BICRA: variants seen among roughly 807,000 people sequenced by gnomAD.
BICRA encodes the protein BRD4 interacting chromatin remodeling complex associated protein, also known as BRD4-interacting chromatin-remodeling complex-associated protein.
Under a neutral mutation model 96.9 loss-of-function variants are expected in BICRA, and 31 were observed. That is an observed-to-expected ratio of 0.32 (90% CI 0.24 to 0.43). The LOEUF (loss-of-function observed/expected upper bound fraction) is 0.43. Ranked by LOEUF, BICRA falls within the 20% of genes least tolerant of loss-of-function variation. BICRA has a pLI of 1.00. For synonymous variants in BICRA, 1,350 were observed against 1,071.8 expected, an observed-to-expected ratio of 1.26 and a Z score of -5.07; for missense variants, 2,283 against 2,190.3, an observed-to-expected ratio of 1.04 and a Z score of -0.84.
Position 47,701,901 on chromosome 19 carries a change from C to A in BICRA, c.4169C>A (p.Thr1390Asn). 6.9e-7 allele frequency: 1 copy of A among 1,445,432 alleles called. No individual in the cohort carries two copies. Among genetic ancestry groups the A allele is most frequent in the Non-Finnish European group, 9.0e-7 (1 of 1,107,528 alleles). 89.5% of individuals were successfully genotyped at this position (1,445,432 alleles called of 1,614,324 possible). The change falls in exon 15 of 15, where the codon ACC becomes AAC. Residue 1390 changes from threonine to asparagine, a missense_variant. Coordinates refer to ENST00000594866, the MANE Select transcript of BICRA (RefSeq NM_001394372.1). This position sits in a 1 kb window ranked among gnomAD's most constrained non-coding sequence, Gnocchi z 5.4. ...TGCCCGCGCCTGCCACTGCGCAAGACCTACCGCGAGAACGTGGGGGGCCCT... is the reference window on the plus strand; with the variant it reads ...TGCCCGCGCCTGCCACTGCGCAAGAACTACCGCGAGAACGTGGGGGGCCCT... Reference protein sequence around the residue: ...PHCPRLPLRKTYRENVGGPGA... With the variant: ...PHCPRLPLRKNYRENVGGPGA...
In BICRA at chr19:47,701,691, A is replaced by G; in HGVS notation, c.3959A>G (p.Lys1320Arg). ...LKIKQEAGLS[K>R]VVHNTALDPV... ...ATCAAGCAGGAAGCCGGGCTCAGCA[A>G]GGTCGTGCACAACACGGCCCTGGAC... Residue 1320 changes from lysine (K) to arginine (R), a missense_variant, in exon 15 of 15, where the codon AAG (lysine) becomes AGG (arginine). Transcript: ENST00000594866. The surrounding 1 kb of genome is among the most constrained non-coding windows in gnomAD (Gnocchi z 5.4). 1 of 1,603,592 alleles carries G rather than the reference A, an allele frequency of 6.2e-7. No homozygotes were observed. The highest frequency in any genetic ancestry group is 8.5e-7 in the Non-Finnish European group (1 of 1,176,140).
chr19:47,680,278 C>T lies in BICRA; in HGVS notation c.1108C>T (p.Pro370Ser). 6.4e-7 allele frequency: 1 copy of T among 1,558,980 alleles called. No homozygotes were observed. Residue 370 changes from proline (P) to serine (S), a missense_variant, in exon 6 of 15, where the codon CCG becomes TCG. Physicochemically the swap from Pro to Ser is moderately conservative, Grantham distance 74 (BLOSUM62 -1). Coordinates refer to ENST00000594866, the MANE Select transcript of BICRA (RefSeq NM_001394372.1). ...PPKLYQLTPK[P>S]FAPAGATLTI... Reference sequence around the variant, plus strand: ...CAAGCTCTACCAGCTGACGCCCAAGCCGTTTGCGCCCGCGGGCGCCACGCT... The same window carrying T: ...CAAGCTCTACCAGCTGACGCCCAAGTCGTTTGCGCCCGCGGGCGCCACGCT...
At chr19:47,657,988 C>T (rs1972646596) in intron 1 of BICRA, among the ~76,000 whole-genome samples, 1 of 151,948 alleles carries the variant, frequency 6.6e-6, no homozygotes, top group Admixed American at 6.6e-5. Context: ...TTGACCTTCC[C>T]CTCAGGAATG....
Position 47,699,143 on chromosome 19 carries a change from G to A in BICRA, c.3492+84G>A. 9.4e-7 allele frequency: 1 copy of A among 1,062,384 alleles called. No individual in the cohort carries two copies. Among genetic ancestry groups the A allele is most frequent in the South Asian group, 1.3e-5 (1 of 74,426 alleles). 65.8% of individuals were successfully genotyped at this position (1,062,384 alleles called of 1,614,324 possible). A position where few individuals can be genotyped will look rare whatever the true frequency, so the allele number is the denominator to read the frequency against. On this transcript the variant is annotated intron_variant, in intron 13 of 14. Transcript: ENST00000594866. This position sits in a 1 kb window ranked among gnomAD's most constrained non-coding sequence, Gnocchi z 5.0. ...TTCCCTCACCCGCTCTGGGCAAGGT[G>A]GAGCCTCCCGCCCCTCCTAGCCCCG...
intron 10 of BICRA, among the ~76,000 whole-genome samples, chr19:47,695,748 A>G (rs945783091): frequency 5.9e-5 from 9 of 152,142 alleles, no homozygotes; most frequent in Non-Finnish European, 1.3e-4. Context: ...GACTGGGGAA[A>G]GAGCAGGTGA....
At chr19:47,666,005 G>T (rs187143600) in intron 1 of BICRA, among the ~76,000 whole-genome samples, 166 of 152,302 alleles carry the variant, frequency 1.1e-3, no homozygotes, top group Admixed American at 1.8e-3. Flanking sequence ...ATCAACAGTG[G>T]CAATTAAAAT....
In BICRA at chr19:47,683,589, C is replaced by CTT. The variant is rs11448897; in HGVS notation, c.2283+1449_2283+1450dup. ...ATAACAGGTTAGGGAGGGCTACGTT[C>CTT]TTTTTTTTTTTTTGAGATGGAGTCT... On this transcript the variant is annotated intron_variant, in intron 7 of 14. Coordinates refer to ENST00000594866, the MANE Select transcript of BICRA (RefSeq NM_001394372.1). Among the ~76,000 whole-genome samples the CTT allele has an allele frequency of 2.6e-4, 37 of 144,632 alleles. 1 individual carries two copies. The highest frequency in any genetic ancestry group is 4.3e-4 in the South Asian group (2 of 4,606). 94.9% of individuals were successfully genotyped at this position (144,632 alleles called of 152,430 possible).
chr19:47,637,799 G>A (rs369861376), intron 1 of BICRA, among the ~76,000 whole-genome samples: 2 of 152,070 alleles, frequency 1.3e-5, no homozygotes, highest in Admixed American at 6.6e-5. Context: ...TACACTAGCC[G>A]ATCTTTTTGT....
intron 7 of BICRA, among the ~76,000 whole-genome samples, chr19:47,691,640 T>C (rs1172523579): frequency 6.6e-6 from 1 of 152,216 alleles, no homozygotes; most frequent in African/African-American, 2.4e-5. Flanking sequence ...CTTGGCTCAC[T>C]GTAGCCTCTG....
chr19:47,653,723 A>G (rs1972573906), intron 1 of BICRA, among the ~76,000 whole-genome samples: 1 of 152,140 alleles, frequency 6.6e-6, no homozygotes, highest in Non-Finnish European at 1.5e-5. Flanking sequence ...ATAGTCTGTG[A>G]TATGGATACA....
rs1204894941 is a variant in BICRA at position 47,685,782 on chromosome 19, T to TGCGC, written c.2283+3631_2283+3632insCGCG. ...GTGTGTGTGTGTGTGTGTGTGTGTG[T>TGCGC]GTGTGCGCGCGCGCGCGCATGCGTA... On this transcript the variant is annotated intron_variant, in intron 7 of 14. Coordinates refer to ENST00000594866, the MANE Select transcript of BICRA (RefSeq NM_001394372.1). 2.0e-3 allele frequency among the ~76,000 whole-genome samples: 245 copies of TGCGC among 124,854 alleles called. 4 individuals are homozygous for TGCGC. The highest frequency in any genetic ancestry group is 0.015 in the Admixed American group (179 of 12,070). The allele number at this position is 124,854 out of a possible 152,430, so 81.9% of individuals were successfully genotyped here.
chr19:47,663,874 C>CTTCCATTCCATTCCATTCCA (rs55866962), intron 1 of BICRA: 1 of 151,416 alleles, frequency 6.6e-6, no homozygotes, highest in African/African-American at 2.4e-5. Flanking sequence ...ACGTTAATGT[C>CTTCCATTCCATTCCATTCCA]TTCCATTCCA....
chr19:47,618,519 C>CA (rs1434986056), intron 1 of BICRA, among the ~76,000 whole-genome samples: 6 of 152,068 alleles, frequency 3.9e-5, no homozygotes, highest in African/African-American at 1.4e-4. Flanking sequence ...AGGTTGGGGA[C>CA]AAAAATGCTG....
intron 1 of BICRA, among the ~76,000 whole-genome samples, chr19:47,633,918 G>A (rs1179595996): frequency 6.6e-6 from 1 of 152,182 alleles, no homozygotes; most frequent in African/African-American, 2.4e-5. Flanking sequence ...ACCCGCCGAG[G>A]GGCGTTCTGT....
At chr19:47,613,796 T>C (rs1352085709) in intron 1 of BICRA, among the ~76,000 whole-genome samples, 3 of 152,094 alleles carry the variant, frequency 2.0e-5, no homozygotes, top group African/African-American at 7.2e-5. Context: ...CAGTAGAGTT[T>C]TGTCCCAGTT....
At position 47,681,025 on chromosome 19, in the gene BICRA, C is replaced by T. The variant is rs773692212; in HGVS notation, c.1855C>T (p.Leu619Phe). 45 of 1,443,006 alleles carry T rather than the reference C, an allele frequency of 3.1e-5. No individual in the cohort carries two copies. Among genetic ancestry groups the T allele is most frequent in the African/African-American group, 6.0e-5 (4 of 66,366 alleles). 89.4% of individuals were successfully genotyped at this position (1,443,006 alleles called of 1,614,324 possible). Residue 619 changes from leucine to phenylalanine, a missense_variant, in exon 6 of 15, where the codon CTC (leucine) becomes TTC (phenylalanine). Leu to Phe is a conservative substitution (Grantham distance 22). Coordinates refer to ENST00000594866, the MANE Select transcript of BICRA (RefSeq NM_001394372.1). Reference sequence around the variant, plus strand: ...TGCCACCGGGGAGGCCGCGCCTGTCCTCACGGTGCAGCCTGCCCCCCAGGC... The same window carrying T: ...TGCCACCGGGGAGGCCGCGCCTGTCTTCACGGTGCAGCCTGCCCCCCAGGC... Reference protein sequence around the residue: ...AAATGEAAPVLTVQPAPQAPP... With the variant: ...AAATGEAAPVFTVQPAPQAPP...
chr19:47,667,820 T>C (rs1206343389), intron 1 of BICRA, among the ~76,000 whole-genome samples: 1 of 152,202 alleles, frequency 6.6e-6, no homozygotes, highest in Non-Finnish European at 1.5e-5. Context: ...CTCGCGATAG[T>C]GCCTGAACAT....
intron 6 of BICRA, 63 bp downstream of exon 6, chr19:47,681,339 C>G: frequency 7.0e-7 from 1 of 1,432,952 alleles, no homozygotes. Flanking sequence ...AAGAGGGGTC[C>G]TGGGGCGAGG....
intron 9 of BICRA, 22 bp from the exon 10 acceptor site, chr19:47,695,343 C>CCCCA: frequency 1.6e-6 from 1 of 630,246 alleles, no homozygotes; most frequent in Non-Finnish European, 2.8e-6. Context: ...GGCCCTGTCT[C>CCCCA]CCCCACCCCA....
Sources: gnomAD v4.1 joint callset for allele counts (sites outside exome capture counted in the v4.1 genomes callset) on GRCh38, gnomAD v4.1.1 for gene constraint, Gnocchi (gnomAD v3.1) non-coding constraint, MANE v1.5 for transcripts, NCBI Gene and HGNC (gene_info 2026-07-23, HGNC 2026-07-21) for gene names.